WLS: variants seen among roughly 807,000 people sequenced by gnomAD.
WLS encodes protein wntless homolog.
In WLS, 23 loss-of-function variants were observed where a neutral mutation model predicts 62.8. The observed-to-expected ratio is 0.37, with a 90% CI of 0.26 to 0.52. WLS has a LOEUF of 0.52. WLS is among the 20% of genes least tolerant of loss of function. The pLI, the probability that WLS is intolerant of heterozygous loss-of-function variation, is 0.92. For missense variants in WLS, 615 were observed against 697.3 expected (o/e 0.88, Z 1.33); for synonymous variants, 246 against 244.1 (o/e 1.01, Z -0.07).
At chr1:68,206,968 G>C (rs754804805) in intron 1 of WLS, among the ~76,000 whole-genome samples, 4 of 152,096 alleles carry the variant, frequency 2.6e-5, no homozygotes, top group Non-Finnish European at 5.9e-5. Flanking sequence ...TTTCACATCT[G>C]TTAGAAGAAC....
Position 68,104,346 on chromosome 1 carries a change from A to G in WLS, c.1511-5593T>C, listed in dbSNP as rs116817124. Among the ~76,000 whole-genome samples, 385 of 152,334 alleles carry G rather than the reference A, an allele frequency of 2.5e-3. 2 individuals are homozygous for G. Among genetic ancestry groups the G allele is most frequent in the Non-Finnish European group, 2.8e-3 (191 of 68,038 alleles). ...AGACTTAGCTAGTTATGCAAAGTCC[A>G]GGGAGGTCATTGTGCTCTCTTTTGG... On this transcript the variant is annotated intron_variant, in intron 11 of 11. Coordinates refer to the WLS transcript ENST00000354777.
intron 2 of WLS, among the ~76,000 whole-genome samples, chr1:68,181,624 A>T (rs756219720): frequency 6.6e-6 from 1 of 152,170 alleles, no homozygotes; most frequent in Non-Finnish European, 1.5e-5. Flanking sequence ...ACTCACCTGT[A>T]TGGGGTGGTG....
chr1:68,145,502 G>A (rs1238446837), intron 9 of WLS, among the ~76,000 whole-genome samples: 4 of 152,020 alleles, frequency 2.6e-5, no homozygotes, highest in Non-Finnish European at 5.9e-5. Context: ...TACAGGACAG[G>A]GTTGATTCTG....
chr1:68,196,811 C>G (rs72938563), intron 1 of WLS, among the ~76,000 whole-genome samples: 9,040 of 152,130 alleles, frequency 0.059, 352 homozygotes, highest in African/African-American at 0.11. Context: ...GACCTCACAT[C>G]TAATCCATCT....
intron 11 of WLS, among the ~76,000 whole-genome samples, chr1:68,113,287 C>G (rs985137892): frequency 2.6e-5 from 4 of 152,090 alleles, no homozygotes; most frequent in African/African-American, 9.7e-5. Flanking sequence ...TGCAAAGGAC[C>G]TTTGGTGAGT....
chr1:68,170,160 C>CTTTTTTTTTTTT (rs571306573), intron 2 of WLS, among the ~76,000 whole-genome samples: 3 of 86,744 alleles, frequency 3.5e-5, no homozygotes, highest in Non-Finnish European at 4.6e-5. Context: ...GCTACTATTT[C>CTTTTTTTTTTTT]TTTTTTTTTT....
At chr1:68,109,082 C>A (rs754418124) in intron 11 of WLS, among the ~76,000 whole-genome samples, 1 of 152,238 alleles carries the variant, frequency 6.6e-6, no homozygotes, top group South Asian at 2.1e-4. Context: ...CTACCACCTT[C>A]ACCCCCAACA....
intron 11 of WLS, among the ~76,000 whole-genome samples, chr1:68,131,869 A>G (rs2100402555): frequency 6.6e-6 from 1 of 152,298 alleles, no homozygotes; most frequent in East Asian, 1.9e-4. Context: ...ATAGATATAC[A>G]CAAAGGGAAG....
intron 11 of WLS, among the ~76,000 whole-genome samples, chr1:68,105,940 G>C (rs182543151): frequency 6.6e-5 from 10 of 152,278 alleles, no homozygotes; most frequent in Non-Finnish European, 4.4e-5. Flanking sequence ...GGGTCTGAGG[G>C]ATGAGAGAAA....
chr1:68,193,248 CA>C (rs980958771), intron 2 of WLS, among the ~76,000 whole-genome samples: 1 of 150,904 alleles, frequency 6.6e-6, no homozygotes, highest in Non-Finnish European at 1.5e-5. Flanking sequence ...AAGGAAAAAA[CA>C]AAAAGTTTTC....
chr1:68,179,478 C>T (rs1367435328), intron 2 of WLS, among the ~76,000 whole-genome samples: 2 of 152,180 alleles, frequency 1.3e-5, no homozygotes, highest in Non-Finnish European at 2.9e-5. Flanking sequence ...CTGTCATCCT[C>T]AGTGTCCTCA....
intron 5 of WLS, 23 bp downstream of exon 5, chr1:68,153,494 A>G (rs1646854478): frequency 6.2e-7 from 1 of 1,613,760 alleles, no homozygotes; most frequent in Non-Finnish European, 8.5e-7. Context: ...ATTCCTGAAG[A>G]GCGCTCCAAA....
chr1:68,225,710 G>T lies in WLS; in HGVS notation c.106+6484C>A, dbSNP rs576188537. On this transcript the variant is annotated intron_variant, in intron 1 of 11. Transcript: ENST00000262348. ...AACAAAACTTCTCCGCATGGGAAAA[G>T]AATTTTCAGCTTTCAGTAAGAGGCT... Among the ~76,000 whole-genome samples, 53 of 152,254 alleles carry T rather than the reference G, an allele frequency of 3.5e-4. 1 individual carries two copies. The South Asian group carries it at 8.5e-3, about 24-fold the overall frequency.
At chr1:68,114,040 AAC>A (rs1646260177) in intron 11 of WLS, among the ~76,000 whole-genome samples, 1 of 152,224 alleles carries the variant, frequency 6.6e-6, no homozygotes, top group South Asian at 2.1e-4. Flanking sequence ...CATCCTGTGA[AAC>A]ACACCTTGAG....
At chr1:68,194,576 A>G (rs1440907845) in intron 1 of WLS, among the ~76,000 whole-genome samples, 2 of 152,218 alleles carry the variant, frequency 1.3e-5, no homozygotes, top group Non-Finnish European at 2.9e-5. Context: ...GGTGCTTCAT[A>G]GAGAACAGTA....
rs34130992 is a variant in WLS at position 68,187,189 on chromosome 1, CAAA to C, written c.379+6763_379+6765del. Among the ~76,000 whole-genome samples the C allele has an allele frequency of 5.1e-4, 29 of 57,164 alleles. 2 individuals are homozygous for C. The highest frequency in any genetic ancestry group is 3.8e-3 in the South Asian group (6 of 1,578). 37.5% of individuals were successfully genotyped at this position (57,164 alleles called of 152,430 possible). A position where few individuals can be genotyped will look rare whatever the true frequency, so the allele number is the denominator to read the frequency against. On this transcript the variant is annotated intron_variant, in intron 2 of 11. Transcript: ENST00000262348. ...GGGGGACAGAGCAAGACTCCATCTC[CAAA>C]AAAAAAAAAAAAAAAAAAATTAGCA...
chr1:68,153,425 TG>T, intron 5 of WLS, 91 bp downstream of exon 5: 1 of 1,556,494 alleles, frequency 6.4e-7, no homozygotes, highest in Non-Finnish European at 8.8e-7. Flanking sequence ...AGTCACACAC[TG>T]GCTGCTTGAA....
chr1:68,115,971 G>A (rs907963170), intron 11 of WLS, among the ~76,000 whole-genome samples: 1 of 152,176 alleles, frequency 6.6e-6, no homozygotes, highest in East Asian at 1.9e-4. Context: ...GGCAAGCTCT[G>A]CACCTCCTGG....
At chr1:68,117,973 A>G (rs1472893892) in intron 11 of WLS, among the ~76,000 whole-genome samples, 7 of 51,598 alleles carry the variant, frequency 1.4e-4, no homozygotes, top group Admixed American at 1.2e-3. Flanking sequence ...AATTGATGAG[A>G]AAAAAAAAAC....
Sources: gnomAD v4.1 joint callset for allele counts (sites outside exome capture counted in the v4.1 genomes callset) on GRCh38, gnomAD v4.1.1 for gene constraint, MANE v1.5 for transcripts, NCBI Gene and HGNC (gene_info 2026-07-23, HGNC 2026-07-21) for gene names.